PRKG1: variants seen among roughly 807,000 people sequenced by gnomAD.
PRKG1 encodes cGMP-dependent protein kinase 1.
A neutral mutation model predicts 88.1 loss-of-function variants in PRKG1; 35 were observed. That is an observed-to-expected ratio of 0.40 (90% CI 0.30 to 0.53). PRKG1 has a LOEUF of 0.53. Ranked by LOEUF, PRKG1 falls within the 20% of genes least tolerant of loss-of-function variation. The pLI, the probability that PRKG1 is intolerant of heterozygous loss-of-function variation, is 0.59. For missense variants in PRKG1, 540 were observed against 839.8 expected (o/e 0.64, Z 4.41); for synonymous variants, 303 against 292.5 (o/e 1.04, Z -0.37).
intron 3 of PRKG1, among the ~76,000 whole-genome samples, chr10:51,801,775 G>GT (rs1282505067): frequency 6.6e-6 from 1 of 152,090 alleles, no homozygotes; most frequent in Non-Finnish European, 1.5e-5. Context: ...ATGCATTGAA[G>GT]TTGTTCTCAA....
intron 8 of PRKG1, among the ~76,000 whole-genome samples, chr10:52,144,405 C>G (rs200087145): frequency 6.6e-6 from 1 of 152,108 alleles, no homozygotes; most frequent in Non-Finnish European, 1.5e-5. Context: ...TATCTGTTTT[C>G]GAAGGAAGAG....
intron 2 of PRKG1, among the ~76,000 whole-genome samples, chr10:51,164,530 G>T (rs1465919496): frequency 1.3e-5 from 2 of 151,774 alleles, no homozygotes; most frequent in Non-Finnish European, 2.9e-5. Context: ...CACCAGCAAC[G>T]GAACAAAGCT....
chr10:52,072,159 T>G (rs919901318), intron 7 of PRKG1, among the ~76,000 whole-genome samples: 1 of 5,760 alleles, frequency 1.7e-4, no homozygotes, highest in East Asian at 5.8e-3. Flanking sequence ...ATTGTTTTGC[T>G]TTTTTTTTTT....
intron 2 of PRKG1, among the ~76,000 whole-genome samples, chr10:51,258,506 A>T (rs1035229579): frequency 3.9e-5 from 6 of 152,176 alleles, no homozygotes; most frequent in Admixed American, 3.9e-4. Flanking sequence ...CTACCCAGTC[A>T]TTGCTTAGCT....
chr10:51,070,416 T>G (rs1225727084), upstream of PRKG1, among the ~76,000 whole-genome samples: 2 of 152,106 alleles, frequency 1.3e-5, no homozygotes, highest in East Asian at 3.9e-4. Flanking sequence ...TTGTTACTTT[T>G]AGCAATCTTC....
At chr10:51,854,474 C>A (rs937645397) in intron 4 of PRKG1, among the ~76,000 whole-genome samples, 1 of 151,926 alleles carries the variant, frequency 6.6e-6, no homozygotes. Flanking sequence ...TGGAAATAAC[C>A]GGTATTTTAG....
At chr10:51,757,097 T>C (rs1055419607) in intron 3 of PRKG1, among the ~76,000 whole-genome samples, 1 of 151,816 alleles carries the variant, frequency 6.6e-6, no homozygotes, top group African/African-American at 2.4e-5. Flanking sequence ...TTTCATTTTA[T>C]TTTATTTTAT....
At chr10:51,620,895 T>C (rs989021523) in intron 3 of PRKG1, among the ~76,000 whole-genome samples, 4 of 151,720 alleles carry the variant, frequency 2.6e-5, no homozygotes, top group African/African-American at 9.6e-5. Context: ...GATGTCCTAA[T>C]CTGACATTAT....
intron 17 of PRKG1, among the ~76,000 whole-genome samples, chr10:52,292,954 A>G (rs1245891804): frequency 2.0e-5 from 3 of 152,154 alleles, no homozygotes; most frequent in Non-Finnish European, 4.4e-5. Flanking sequence ...TCAATTAGGA[A>G]AAGAGGAAGT....
intron 1 of PRKG1, among the ~76,000 whole-genome samples, chr10:51,125,540 G>A (rs796624278): frequency 6.7e-6 from 1 of 149,540 alleles, no homozygotes; most frequent in South Asian, 2.1e-4. Flanking sequence ...AAATTAGCTG[G>A]GCATGATGGC....
chr10:51,698,409 T>G (rs1390236643), intron 3 of PRKG1: 1 of 1,613,962 alleles, frequency 6.2e-7, no homozygotes, highest in South Asian at 1.1e-5. Flanking sequence ...GGCCCTCCCC[T>G]CATCTCATGT....
At chr10:51,052,246 G>A (rs1027991448) in intron 1 of PRKG1, among the ~76,000 whole-genome samples, 1 of 152,096 alleles carries the variant, frequency 6.6e-6, no homozygotes, top group Non-Finnish European at 1.5e-5. Context: ...GCACCAAAGG[G>A]AGTAAATCAA....
intron 9 of PRKG1, among the ~76,000 whole-genome samples, chr10:52,175,826 A>AT (rs746489104): frequency 2.0e-5 from 3 of 152,008 alleles, no homozygotes; most frequent in Non-Finnish European, 4.4e-5. Context: ...TCCTTTGCCC[A>AT]TTTTTTAATC....
intron 2 of PRKG1, among the ~76,000 whole-genome samples, chr10:51,174,443 AT>A (rs1020143709): frequency 2.0e-5 from 3 of 152,106 alleles, no homozygotes; most frequent in Admixed American, 6.6e-5. Flanking sequence ...ATGTAATCAA[AT>A]TTTTCATTAT....
rs542260329 is a variant in PRKG1 at position 52,060,942 on chromosome 10, G to A, written c.841-1595G>A. Among the ~76,000 whole-genome samples, 5 of 152,036 alleles carry A rather than the reference G, an allele frequency of 3.3e-5. No homozygotes were observed. The East Asian group carries it at 9.6e-4, about 29-fold the overall frequency. Reference sequence around the variant, plus strand: ...TTTATATCTACAGAATTAGTAAATTGCATAATATTCATATAATGGAATGCT... The same window carrying A: ...TTTATATCTACAGAATTAGTAAATTACATAATATTCATATAATGGAATGCT... On this transcript the variant is annotated intron_variant, in intron 6 of 17. Transcript: ENST00000373980.
chr10:51,985,476 A>T (rs1844131177), intron 5 of PRKG1, among the ~76,000 whole-genome samples: 1 of 152,196 alleles, frequency 6.6e-6, no homozygotes, highest in Non-Finnish European at 1.5e-5. Flanking sequence ...TGCTAAAAAA[A>T]TGTAAACTCA....
intron 3 of PRKG1, among the ~76,000 whole-genome samples, chr10:51,554,401 A>T (rs990670331): frequency 4.4e-5 from 6 of 137,390 alleles, no homozygotes; most frequent in African/African-American, 1.7e-4. Flanking sequence ...ATGTATATAT[A>T]AAAATATATG....
chr10:51,622,907 C>T (rs564336164), intron 3 of PRKG1, among the ~76,000 whole-genome samples: 7 of 152,064 alleles, frequency 4.6e-5, no homozygotes, highest in African/African-American at 9.7e-5. Flanking sequence ...TTGTTCATTA[C>T]GAGAAAATGA....
intron 2 of PRKG1, among the ~76,000 whole-genome samples, chr10:51,360,338 A>G (rs1842453170): frequency 6.6e-6 from 1 of 151,888 alleles, no homozygotes; most frequent in Non-Finnish European, 1.5e-5. Flanking sequence ...GGGGCTTTCT[A>G]ATTCTAACAA....
Sources: gnomAD v4.1 joint callset for allele counts (sites outside exome capture counted in the v4.1 genomes callset) on GRCh38, gnomAD v4.1.1 for gene constraint, MANE v1.5 for transcripts, NCBI Gene and HGNC (gene_info 2026-07-23, HGNC 2026-07-21) for gene names.